The following UBA7 variants were observed in gnomAD, a reference collection of about 807,000 sequenced individuals.
The protein encoded by UBA7 is ubiquitin like modifier activating enzyme 7.
Under a neutral mutation model 113.0 loss-of-function variants are expected in UBA7, and 88 were observed. The ratio of observed to expected loss-of-function variants is 0.78; its 90% CI spans 0.66 to 0.93. The LOEUF is 0.93. Ranked by LOEUF, UBA7 falls within the 40% of genes least tolerant of loss-of-function variation. The pLI is 0.00. For synonymous variants in UBA7, 459 were observed against 513.0 expected, an observed-to-expected ratio of 0.89 and a Z score of 1.42; for missense variants, 1,092 against 1,266.4, an observed-to-expected ratio of 0.86 and a Z score of 2.09.
chr3:49,806,253 C>A, intron 21 of UBA7, 88 bp from the exon 22 acceptor site: 1 of 1,245,136 alleles, frequency 8.0e-7, no homozygotes, highest in South Asian at 1.4e-5. Flanking sequence ...AGGGGAAGAG[C>A]TGGACTAGCA....
rs2081525489 is a variant in UBA7 at position 49,810,453 on chromosome 3, G to C, written c.1468-25C>G. The C allele has an allele frequency of 1.2e-6, 2 of 1,613,972 alleles. No individual in the cohort carries two copies. Among genetic ancestry groups the C allele is most frequent in the Non-Finnish European group, 1.7e-6 (2 of 1,179,982 alleles). On this transcript the variant is annotated intron_variant, in intron 12 of 23. Transcript: ENST00000333486. The surrounding 1 kb of genome is among the most constrained non-coding windows in gnomAD (Gnocchi z 5.6). ...TCTGGGAAGAAGGCAGGAAGATGTT[G>C]GGTGGGAAGCTGTATGGGAGGACGG...
In UBA7 at chr3:49,805,912, T is replaced by A; in HGVS notation, c.2894A>T (p.Gln965Leu). Residue 965 changes from glutamine (Q) to leucine (L), a missense_variant, in exon 23 of 24, where the codon CAG (glutamine) becomes CTG (leucine). Gln to Leu is a moderately radical substitution (Grantham distance 113). Coordinates refer to ENST00000333486, the MANE Select transcript of UBA7 (RefSeq NM_003335.3). ...GTGGGCTCACCTGAGGGGCAGGTGC[T>A]GGGCCTGCTTTTCAGGTGACCATCC... ...AAGWSPEKQA[Q>L]HLPLRVTELV... 2.6e-6 allele frequency: 4 copies of A among 1,554,788 alleles called. No individual in the cohort carries two copies. Among genetic ancestry groups the A allele is most frequent in the Non-Finnish European group, 3.5e-6 (4 of 1,149,018 alleles).
chr3:49,809,114 G>T lies in UBA7; in HGVS notation c.2209C>A (p.Gln737Lys). 1 of 1,613,482 alleles carries T rather than the reference G, an allele frequency of 6.2e-7. No individual in the cohort carries two copies. Among genetic ancestry groups the T allele is most frequent in the South Asian group, 1.1e-5 (1 of 90,930 alleles). The change falls in exon 18 of 24, where the codon CAG becomes AAG. Residue 737 changes from glutamine to lysine, a missense_variant. Gln to Lys is a moderately conservative substitution (Grantham distance 53). Transcript: ENST00000333486. ...TGTGAGCCAGGCAGCCCATGCATCT[G>T]GGCATACAGGTTGGCAGCTGCCAGT... is the stretch of plus-strand genomic sequence containing the variant. ...YVLAAANLYA[Q>K]MHGLPGSQDW...
intron 18 of UBA7, 39 bp from the exon 19 acceptor site, chr3:49,808,507 T>C (rs1288154734): frequency 6.2e-7 from 1 of 1,604,586 alleles, no homozygotes; most frequent in Non-Finnish European, 8.5e-7. Flanking sequence ...CCTTAGCCCC[T>C]GTCTCCTGCA....
chr3:49,805,798 G>T (rs2081438161), intron 23 of UBA7, 99 bp downstream of exon 23: 1 of 1,182,970 alleles, frequency 8.5e-7, no homozygotes, highest in South Asian at 1.4e-5. Flanking sequence ...GAAGGTGTGA[G>T]GGGCCCAGAA....
chr3:49,805,364 T>C lies in UBA7; in HGVS notation c.2983A>G (p.Ser995Gly). ...PGQRVLVLEL[S>G]CEGDDEDTAF... ...GTGTCCTCGTCGTCACCCTCACAGC[T>C]CAGCTCTAGCACCAACACCCGCTGC... The change falls in exon 24 of 24, where the codon AGC becomes GGC. Residue 995 changes from serine (S) to glycine (G), a missense_variant. Ser to Gly is a moderately conservative substitution (Grantham distance 56, BLOSUM62 0). Transcript: ENST00000333486. The C allele has an allele frequency of 6.2e-7, 1 of 1,613,784 alleles. No individual in the cohort carries two copies. Among genetic ancestry groups the C allele is most frequent in the Non-Finnish European group, 8.5e-7 (1 of 1,179,936 alleles).
intron 4 of UBA7, 143 bp downstream of exon 4, chr3:49,812,919 G>T: frequency 8.5e-7 from 1 of 1,173,906 alleles, no homozygotes; most frequent in Non-Finnish European, 1.2e-6. Flanking sequence ...CCAGAGGGCA[G>T]GACTGGGGAC....
chr3:49,806,332 CCCGTCCAGG>C (rs2108298549), intron 21 of UBA7, 167 bp from the exon 22 acceptor site: 1 of 632,990 alleles, frequency 1.6e-6, no homozygotes, highest in South Asian at 1.9e-5. Context: ...CAGCCCCCTC[CCCGTCCAGG>C]CCGGGGCCAG....
chr3:49,811,633 C>G (rs1038543640), intron 8 of UBA7, 178 bp from the exon 9 acceptor site: 26 of 1,125,984 alleles, frequency 2.3e-5, no homozygotes, highest in Non-Finnish European at 3.0e-5. Context: ...CAGTACCAGA[C>G]AGCAGTCCAG....
chr3:49,813,860 A>AGGGGCCAGTGCCCTGCT lies in UBA7; in HGVS notation c.-90_-74dup, dbSNP rs2081590189. ...TCTTTGTGTAGGTGGCGGTGACAGT[A>AGGGGCCAGTGCCCTGCT]GGGGCCAGTGCCCTGCTGTAGCCAG... On this transcript the variant is annotated 5_prime_UTR_variant, in exon 1 of 24. Transcript: ENST00000333486. The AGGGGCCAGTGCCCTGCT allele has an allele frequency of 1.5e-5, 23 of 1,570,442 alleles. No individual in the cohort carries two copies. The highest frequency in any genetic ancestry group is 1.8e-5 in the Non-Finnish European group (21 of 1,149,292).
intron 14 of UBA7, 29 bp downstream of exon 14, chr3:49,809,949 G>T: frequency 2.5e-6 from 4 of 1,614,080 alleles, no homozygotes; most frequent in Non-Finnish European, 3.4e-6. Context: ...TGAGCTGGGT[G>T]GGGTGGGAGT....
chr3:49,811,398 C>G lies in UBA7; in HGVS notation c.997G>C (p.Glu333Gln), dbSNP rs2081544225. The G allele has an allele frequency of 1.2e-6, 2 of 1,611,714 alleles. No individual in the cohort carries two copies. The highest frequency in any genetic ancestry group is 1.7e-6 in the Non-Finnish European group (2 of 1,179,030). ...ARDLEPLKRT[E>Q]EEPLEEPLDE... ...AGTGGCTCTTCCAGTGGCTCTTCCT[C>G]TGTCCGCTTCAGTGGTTCCAGGTCC... Residue 333 changes from glutamate (E) to glutamine (Q), a missense_variant, in exon 9 of 24, where the codon GAG (glutamate) becomes CAG (glutamine). Coordinates refer to ENST00000333486, the MANE Select transcript of UBA7 (RefSeq NM_003335.3).
chr3:49,810,707 G>C lies in UBA7; in HGVS notation c.1312-35C>G. The C allele has an allele frequency of 6.2e-7, 1 of 1,614,048 alleles. No homozygotes were observed. Among genetic ancestry groups the C allele is most frequent in the Non-Finnish European group, 8.5e-7 (1 of 1,179,956 alleles). On this transcript the variant is annotated intron_variant, in intron 11 of 23. Coordinates refer to ENST00000333486, the MANE Select transcript of UBA7 (RefSeq NM_003335.3). The surrounding 1 kb of genome is among the most constrained non-coding windows in gnomAD (Gnocchi z 5.6). ...GGAACAGCCTTAGCCAGAGGGGCTG[G>C]GCTGGCTCTCCCAAAGGCACCCCCA...
In UBA7 at chr3:49,813,617, C is replaced by T. The variant is rs200916214; in HGVS notation, c.87G>A (p.Arg29=). ...ACACCAGGACCCTGGCTCCCTGAATCCTCTGCATGGCAGGTGAGCCCAGCA... is the reference window on the plus strand; with the variant it reads ...ACACCAGGACCCTGGCTCCCTGAATTCTCTGCATGGCAGGTGAGCCCAGCA... The part of the protein sequence containing the change: ...LYVLGSPAMQ[R]IQGARVLVSG... Residue 29 remains arginine (R), a synonymous_variant, in exon 2 of 24, where the codon AGG becomes AGA. Transcript: ENST00000333486. 3 of 1,614,248 alleles carry T rather than the reference C, an allele frequency of 1.9e-6. No individual in the cohort carries two copies. The highest frequency in any genetic ancestry group is 1.7e-5 in the Admixed American group (1 of 60,036).
intron 8 of UBA7, 48 bp downstream of exon 8, chr3:49,811,822 C>A: frequency 6.2e-7 from 1 of 1,604,430 alleles, no homozygotes; most frequent in Non-Finnish European, 8.5e-7. Flanking sequence ...GCAGGTGGGA[C>A]CCCAATAAAT....
intron 17 of UBA7, 112 bp downstream of exon 17, chr3:49,809,278 C>T (rs185812896): frequency 3.5e-5 from 54 of 1,538,640 alleles, no homozygotes; most frequent in Middle Eastern, 4.6e-4. Flanking sequence ...CATATATGCA[C>T]AAGCATGGCT....
In UBA7 at chr3:49,808,888, C is replaced by T; in HGVS notation, c.2347+88G>A. The T allele has an allele frequency of 2.7e-6, 4 of 1,492,034 alleles. No homozygotes were observed. The South Asian group carries it at 5.4e-5, about 20-fold the overall frequency. The allele number at this position is 1,492,034 out of a possible 1,614,324, so 92.4% of individuals were successfully genotyped here. On this transcript the variant is annotated intron_variant, in intron 18 of 23. Coordinates refer to ENST00000333486, the MANE Select transcript of UBA7 (RefSeq NM_003335.3). ...CAAATTGGCTGTAGATCCCCTAGGC[C>T]CTATCTTCCTTCTGCAGCACAGGCT... is the stretch of plus-strand genomic sequence containing the variant.
At chr3:49,812,942 G>A in intron 4 of UBA7, 120 bp downstream of exon 4, 2 of 1,267,530 alleles carry the variant, frequency 1.6e-6, no homozygotes, top group Non-Finnish European at 2.2e-6. Flanking sequence ...GAATCAGAAA[G>A]GCATGCTGGG....
intron 23 of UBA7, 72 bp downstream of exon 23, chr3:49,805,825 A>G (rs2081438561): frequency 7.1e-7 from 1 of 1,412,934 alleles, no homozygotes; most frequent in Non-Finnish European, 9.7e-7. Flanking sequence ...TGGGAAGACA[A>G]AAGGCAGTGT....
Sources: allele counts gnomAD v4.1 joint callset, GRCh38; gene constraint gnomAD v4.1.1; non-coding constraint Gnocchi (gnomAD v3.1); transcripts MANE v1.5; gene names NCBI Gene and HGNC (gene_info 2026-07-23, HGNC 2026-07-21).